The following FOXN2 variants were observed in gnomAD, a reference collection of about 807,000 sequenced individuals.
The protein encoded by FOXN2 is forkhead box protein N2.
FOXN2 carries 19 observed loss-of-function variants against 41.2 expected under a neutral mutation model. That is an observed-to-expected ratio of 0.46 (90% CI 0.32 to 0.68). FOXN2 has a LOEUF of 0.68. Ranked by LOEUF, FOXN2 falls within the 30% of genes least tolerant of loss-of-function variation. The probability of loss-of-function intolerance (pLI) is 0.03; values close to 1 mark genes in which losing one functional copy is unlikely to be tolerated. For synonymous variants in FOXN2, 195 were observed against 176.8 expected (o/e 1.10, Z -0.82); for missense variants, 587 against 509.4 (o/e 1.15, Z -1.47).
intron 1 of FOXN2, among the ~76,000 whole-genome samples, chr2:48,324,983 A>G (rs1020183382): frequency 6.6e-6 from 1 of 152,246 alleles, no homozygotes; most frequent in Non-Finnish European, 1.5e-5. Context: ...TCCAGTTGTT[A>G]GAATATCAAA....
chr2:48,363,189 A>G (rs1672307279), intron 5 of FOXN2, among the ~76,000 whole-genome samples: 1 of 152,182 alleles, frequency 6.6e-6, no homozygotes, highest in Non-Finnish European at 1.5e-5. Flanking sequence ...GGCAGAAGAC[A>G]GTGATATTGA....
At chr2:48,348,259 G>A (rs1407993846) in intron 3 of FOXN2, among the ~76,000 whole-genome samples, 1 of 151,544 alleles carries the variant, frequency 6.6e-6, no homozygotes, top group Non-Finnish European at 1.5e-5. Context: ...CTCTTAGTTT[G>A]GATAATTTTT....
At chr2:48,324,583 G>C (rs995004281) in intron 1 of FOXN2, among the ~76,000 whole-genome samples, 2 of 152,094 alleles carry the variant, frequency 1.3e-5, no homozygotes, top group Non-Finnish European at 2.9e-5. Flanking sequence ...GGTATGATTT[G>C]GGTATAATTT....
At chr2:48,328,208 C>T (rs1172296995) in intron 1 of FOXN2, among the ~76,000 whole-genome samples, 1 of 152,144 alleles carries the variant, frequency 6.6e-6, no homozygotes, top group Non-Finnish European at 1.5e-5. Context: ...GCTCTGTTGA[C>T]TTTTTAAGTT....
At chr2:48,362,549 G>T in intron 4 of FOXN2, 94 bp from the exon 5 acceptor site, 1 of 1,059,056 alleles carries the variant, frequency 9.4e-7, no homozygotes. Context: ...AGCCTGGGCG[G>T]CCAGCAGAGT....
intron 2 of FOXN2, among the ~76,000 whole-genome samples, chr2:48,331,986 T>G (rs1670047784): frequency 6.6e-6 from 1 of 152,172 alleles, no homozygotes; most frequent in African/African-American, 2.4e-5. Context: ...TCTACCGCAT[T>G]TGTTAAAAGT....
In FOXN2 at chr2:48,346,873, T is replaced by C. The variant is rs893144224; in HGVS notation, c.537+122T>C. The C allele has an allele frequency of 2.2e-5, 16 of 713,450 alleles. No homozygotes were observed. In the Admixed American group the frequency reaches 4.9e-4, roughly 22 times the overall value. The allele number at this position is 713,450 out of a possible 1,614,324, so 44.2% of individuals were successfully genotyped here. A position where few individuals can be genotyped will look rare whatever the true frequency, so the allele number is the denominator to read the frequency against. ...TCAAGTCAAATTACTTCAGCTGAAC[T>C]GAATTATATTCATTTGTTTTCACTT... On this transcript the variant is annotated intron_variant, in intron 3 of 6. Transcript: ENST00000340553.
At chr2:48,315,552 T>C (rs1169333497) in intron 1 of FOXN2, among the ~76,000 whole-genome samples, 14 of 152,194 alleles carry the variant, frequency 9.2e-5, no homozygotes, top group Non-Finnish European at 1.5e-4. Context: ...ACCTTTGCCT[T>C]TTAGTCCTCT....
At chr2:48,330,476 T>C (rs1375127389) in intron 2 of FOXN2, among the ~76,000 whole-genome samples, 1 of 152,218 alleles carries the variant, frequency 6.6e-6, no homozygotes, top group East Asian at 1.9e-4. Context: ...AAAAACATTG[T>C]TTAGTGATCT....
chr2:48,377,648 T>G lies in FOXN2; in HGVS notation c.*2205T>G, dbSNP rs1023062338. On this transcript the variant is annotated 3_prime_UTR_variant, in exon 7 of 7. Transcript: ENST00000340553. The stretch of plus-strand genomic sequence containing the variant: ...TTCACTCTTCCCACGAATTTAAATG[T>G]TTAAGTTATATTCATCACTAGCAAG... 1 of 152,098 alleles carries G rather than the reference T, an allele frequency of 6.6e-6. No individual in the cohort carries two copies. Among genetic ancestry groups the G allele is most frequent in the Admixed American group, 6.5e-5 (1 of 15,272 alleles). 9.4% of individuals were successfully genotyped at this position (152,098 alleles called of 1,614,324 possible).
chr2:48,321,178 C>G (rs939721936), intron 1 of FOXN2, among the ~76,000 whole-genome samples: 13 of 152,054 alleles, frequency 8.5e-5, no homozygotes, highest in African/African-American at 3.1e-4. Flanking sequence ...GATTTATATT[C>G]TAGTGTAGTA....
At chr2:48,326,123 TAC>T (rs1392795911) in intron 1 of FOXN2, among the ~76,000 whole-genome samples, 2 of 152,190 alleles carry the variant, frequency 1.3e-5, no homozygotes, top group African/African-American at 4.8e-5. Context: ...TTGCTGGGAT[TAC>T]AGACATGAGC....
chr2:48,375,009 GA>G lies in FOXN2; in HGVS notation c.863del (p.Glu288GlyfsTer5). ...FHHPSAVRLQ[E>X]SDSLATSIDP... ...TCATCCCAGTGCTGTACGATTACAA[GA>G]GAGTGATTCTTTAGCCACCAGCATT... is the stretch of plus-strand genomic sequence containing the variant. On this transcript the variant is annotated frameshift_variant, in exon 7 of 7. Transcript: ENST00000340553. LOFTEE classifies it high-confidence loss of function. The G allele has an allele frequency of 6.2e-7, 1 of 1,614,028 alleles. No homozygotes were observed. Among genetic ancestry groups the G allele is most frequent in the South Asian group, 1.1e-5 (1 of 91,084 alleles).
At chr2:48,342,048 G>T (rs1057224891) in intron 2 of FOXN2, among the ~76,000 whole-genome samples, 16 of 152,054 alleles carry the variant, frequency 1.1e-4, no homozygotes, top group African/African-American at 3.9e-4. Flanking sequence ...ATGTAGTACA[G>T]CCTTTTCTCC....
chr2:48,326,408 C>T (rs1481169048), intron 1 of FOXN2, among the ~76,000 whole-genome samples: 1 of 151,990 alleles, frequency 6.6e-6, no homozygotes. Context: ...CTAAGGGTCC[C>T]CTTGATGGAT....
chr2:48,336,496 C>T (rs957700977), intron 2 of FOXN2, among the ~76,000 whole-genome samples: 2 of 148,932 alleles, frequency 1.3e-5, no homozygotes, highest in African/African-American at 5.0e-5. Context: ...CTAAAGATAA[C>T]TGGATTTTTA....
chr2:48,348,595 C>G (rs1671260176), intron 3 of FOXN2, among the ~76,000 whole-genome samples: 1 of 152,170 alleles, frequency 6.6e-6, no homozygotes, highest in South Asian at 2.1e-4. Context: ...TGTAATATTT[C>G]TACCCAGAAA....
rs530994293 is a variant in FOXN2 at position 48,355,103 on chromosome 2, G to T, written c.538-3944G>T. On this transcript the variant is annotated intron_variant, in intron 3 of 6. Coordinates refer to ENST00000340553, the MANE Select transcript of FOXN2 (RefSeq NM_002158.4). ...CATAGTTGCATACAAGAAGATGTATGTGAAAATATTCACAGTGGTATTATT... is the reference window on the plus strand; with the variant it reads ...CATAGTTGCATACAAGAAGATGTATTTGAAAATATTCACAGTGGTATTATT... 3.3e-5 allele frequency among the ~76,000 whole-genome samples: 5 copies of T among 152,250 alleles called. No individual in the cohort carries two copies. The East Asian group carries it at 9.6e-4, about 29-fold the overall frequency.
chr2:48,365,637 A>G (rs1672482560), intron 5 of FOXN2, among the ~76,000 whole-genome samples: 1 of 152,176 alleles, frequency 6.6e-6, no homozygotes, highest in Non-Finnish European at 1.5e-5. Flanking sequence ...AATGACTTGT[A>G]CGTATTATGC....
Sources: allele counts gnomAD v4.1 joint callset (sites outside exome capture counted in the v4.1 genomes callset), GRCh38; gene constraint gnomAD v4.1.1; transcripts MANE v1.5; gene names NCBI Gene and HGNC (gene_info 2026-07-23, HGNC 2026-07-21).